Variants in BRCA1 observed in about 807,000 individuals in gnomAD.
BRCA1 encodes the protein BRCA1 DNA repair associated, also known as breast cancer type 1 susceptibility protein.
Under a neutral mutation model 173.7 loss-of-function variants are expected in BRCA1, and 140 were observed. The ratio of observed to expected loss-of-function variants is 0.81; its 90% CI spans 0.70 to 0.93. The LOEUF (loss-of-function observed/expected upper bound fraction) is 0.93, where lower values mean the gene tolerates loss of function less well. Among genes scored for constraint, BRCA1 ranks in the 40% least tolerant of loss-of-function variants. BRCA1 has a pLI of 0.00. For synonymous variants in BRCA1, 662 were observed against 756.0 expected (o/e 0.88, Z 2.04); for missense variants, 1,983 against 2,172.5 (o/e 0.91, Z 1.73).
intron 1 of BRCA1, chr17:43,167,806 C>T (rs1419815773): frequency 6.5e-6 from 1 of 152,890 alleles, no homozygotes; most frequent in African/African-American, 2.4e-5. Flanking sequence ...CGGCCTCATT[C>T]ATGATTTATT....
In BRCA1 at chr17:43,064,189, T is replaced by C. The variant is rs8176256; in HGVS notation, c.5075-238A>G. Among the ~76,000 whole-genome samples the C allele has an allele frequency of 0.057, 8,685 of 152,306 alleles. 345 individuals carry two copies. The highest frequency in any genetic ancestry group is 0.078 in the Middle Eastern group (23 of 294). On this transcript the variant is annotated intron_variant, in intron 16 of 22. Coordinates refer to ENST00000357654, the MANE Select transcript of BRCA1 (RefSeq NM_007294.4). ...AAGTTAAGACCAGAGGAAATATCTG[T>C]CCACTCCCTCTTCTCAACACCCATC... is the stretch of plus-strand genomic sequence containing the variant.
At chr17:43,115,322 T>C (rs1221717151) in intron 3 of BRCA1, among the ~76,000 whole-genome samples, 3 of 151,918 alleles carry the variant, frequency 2.0e-5, no homozygotes, top group African/African-American at 7.3e-5. Context: ...GCCAATATGG[T>C]GAAACCTTAT....
intron 9 of BRCA1, among the ~76,000 whole-genome samples, chr17:43,095,614 A>C (rs992484472): frequency 5.9e-5 from 9 of 151,844 alleles, no homozygotes; most frequent in Non-Finnish European, 1.0e-4. Context: ...AAAAAAAAAA[A>C]CGAAAGGGCA....
intron 7 of BRCA1, among the ~76,000 whole-genome samples, 155 bp downstream of exon 7, chr17:43,099,620 T>C (rs2054282530): frequency 6.6e-6 from 1 of 152,136 alleles, no homozygotes; most frequent in Non-Finnish European, 1.5e-5. Context: ...GAACTGCGTC[T>C]TTTACATTTT....
chr17:43,090,475 G>A (rs1271633414), intron 11 of BRCA1, among the ~76,000 whole-genome samples: 1 of 152,174 alleles, frequency 6.6e-6, no homozygotes, highest in Non-Finnish European at 1.5e-5. Flanking sequence ...CCAGGTTCAG[G>A]CGATTCTCCT....
intron 6 of BRCA1, among the ~76,000 whole-genome samples, chr17:43,101,455 A>C (rs1421792610): frequency 6.6e-6 from 1 of 152,030 alleles, no homozygotes; most frequent in South Asian, 2.1e-4. Context: ...TTGGCCTCCC[A>C]AAGTGCTGGG....
chr17:43,133,104 A>G (rs1158696548), intron 1 of BRCA1: 1 of 152,156 alleles, frequency 6.6e-6, no homozygotes, highest in Non-Finnish European at 1.5e-5. Context: ...TTTCTCATCC[A>G]TACAATGGAG....
intron 1 of BRCA1, among the ~76,000 whole-genome samples, chr17:43,142,115 T>C (rs1214082404): frequency 6.6e-6 from 1 of 152,178 alleles, no homozygotes; most frequent in Non-Finnish European, 1.5e-5. Flanking sequence ...GGTTTTGCCA[T>C]GTTGGCCAGG....
chr17:43,143,873 C>G (rs978054344), intron 1 of BRCA1, among the ~76,000 whole-genome samples: 1 of 152,020 alleles, frequency 6.6e-6, no homozygotes, highest in Non-Finnish European at 1.5e-5. Context: ...CCCTATCCCT[C>G]CAGCACCTCC....
Position 43,063,909 on chromosome 17 carries a change from C to G in BRCA1, c.5117G>C (p.Gly1706Ala), listed in dbSNP as rs80356860. The change falls in exon 17 of 23, where the codon GGA becomes GCA. Residue 1706 changes from glycine to alanine, a missense_variant. By Grantham distance (60) the Gly-to-Ala change is moderately conservative. Coordinates refer to ENST00000357654, the MANE Select transcript of BRCA1 (RefSeq NM_007294.4). ...VCERTLKYFL[G>A]IAGGKWVVSY... Reference sequence around the variant, plus strand: ...AACTACCCATTTTCCTCCCGCAATTCCTAGAAAATATTTCAGTGTCCGTTC... The same window carrying G: ...AACTACCCATTTTCCTCCCGCAATTGCTAGAAAATATTTCAGTGTCCGTTC... 75 of 1,614,060 alleles carry G rather than the reference C, an allele frequency of 4.6e-5. No homozygotes were observed. In the Middle Eastern group the frequency reaches 6.6e-4, roughly 14 times the overall value.
At chr17:43,126,839 G>T (rs2055891051), upstream of BRCA1, among the ~76,000 whole-genome samples, 1 of 152,178 alleles carries the variant, frequency 6.6e-6, no homozygotes, top group African/African-American at 2.4e-5. Flanking sequence ...GAAGTGTGGA[G>T]GGAGAGGCGG....
chr17:43,128,754 G>A (rs2055938792), upstream of BRCA1, among the ~76,000 whole-genome samples: 1 of 151,594 alleles, frequency 6.6e-6, no homozygotes, highest in Non-Finnish European at 1.5e-5. Context: ...CTTGGTTAGG[G>A]ACCTTTGGTT....
chr17:43,141,145 C>T (rs1485799068), intron 1 of BRCA1, among the ~76,000 whole-genome samples: 1 of 152,182 alleles, frequency 6.6e-6, no homozygotes, highest in African/African-American at 2.4e-5. Flanking sequence ...CCCTCCCAGG[C>T]TACTGGCAGG....
rs1243124173 is a variant in BRCA1 at position 43,044,896 on chromosome 17, C to T, written c.*782G>A. The T allele has an allele frequency of 3.5e-5, 17 of 479,834 alleles. No individual in the cohort carries two copies. Among genetic ancestry groups the T allele is most frequent in the African/African-American group, 1.2e-4 (6 of 50,468 alleles). 29.7% of individuals were successfully genotyped at this position (479,834 alleles called of 1,614,324 possible). ...TTGGCTCACTGCAACCTCCACCTCC[C>T]GGGCTGAAGTGATTCTCCTGCCTTA... On this transcript the variant is annotated 3_prime_UTR_variant, in exon 23 of 23. Transcript: ENST00000357654.
chr17:43,125,625 T>C (rs2055847659), upstream of BRCA1: 1 of 277,404 alleles, frequency 3.6e-6, no homozygotes, highest in Non-Finnish European at 7.2e-6. Flanking sequence ...GTGCCTGCCC[T>C]CTAGCCTCTA....
In BRCA1 at chr17:43,058,895, C is replaced by T. The variant is rs552731089; in HGVS notation, c.5194-1760G>A. ...GACTGGGGAGAAATTTGAGGAAGAA[C>T]GCTCAGAAACAATTCTGACTGAAAC... On this transcript the variant is annotated intron_variant, in intron 18 of 22. Transcript: ENST00000357654. 7.2e-5 allele frequency among the ~76,000 whole-genome samples: 11 copies of T among 152,154 alleles called. 1 individual carries two copies. In the South Asian group the frequency reaches 2.3e-3, roughly 32 times the overall value.
intron 20 of BRCA1, chr17:43,050,232 T>G (rs2051148570): frequency 5.0e-6 from 2 of 397,168 alleles, no homozygotes; most frequent in East Asian, 3.6e-5. Flanking sequence ...CACCAAGGCC[T>G]TTGTGCTGCG....
intron 3 of BRCA1, among the ~76,000 whole-genome samples, chr17:43,113,514 G>A (rs1013139426): frequency 1.3e-5 from 2 of 151,970 alleles, no homozygotes; most frequent in Non-Finnish European, 2.9e-5. Context: ...CTACAGGTAC[G>A]TGCCACCATG....
In BRCA1 at chr17:43,045,635, C is replaced by A. The variant is rs758539310; in HGVS notation, c.*43G>T. 1.2e-6 allele frequency: 2 copies of A among 1,613,414 alleles called. No individual in the cohort carries two copies. Among genetic ancestry groups the A allele is most frequent in the East Asian group, 2.2e-5 (1 of 44,872 alleles). On this transcript the variant is annotated 3_prime_UTR_variant, in exon 23 of 23. Coordinates refer to ENST00000357654, the MANE Select transcript of BRCA1 (RefSeq NM_007294.4). ...GCCTGGAAAGGCCACTTTGTAAGCT[C>A]ATTCTTGGGGTCCTGTGGCTCTGTA...
Sources: allele counts gnomAD v4.1 joint callset (sites outside exome capture counted in the v4.1 genomes callset), GRCh38; gene constraint gnomAD v4.1.1; transcripts MANE v1.5; gene names NCBI Gene and HGNC (gene_info 2026-07-23, HGNC 2026-07-21).